The following OPHN1 variants were observed in gnomAD, a reference collection of about 807,000 sequenced individuals.
OPHN1 encodes the protein oligophrenin-1.
Under a neutral mutation model 60.7 loss-of-function variants are expected in OPHN1, and 11 were observed. That is an observed-to-expected ratio of 0.18 (90% CI 0.11 to 0.30). The LOEUF (loss-of-function observed/expected upper bound fraction) is 0.30, where lower values mean the gene tolerates loss of function less well. Ranked by LOEUF, OPHN1 falls within the 10% of genes least tolerant of loss-of-function variation. The pLI is 1.00. For missense variants in OPHN1, 449 were observed against 611.0 expected (o/e 0.73, Z 2.80); for synonymous variants, 226 against 222.6 (o/e 1.02, Z -0.14).
intron 15 of OPHN1, among the ~76,000 whole-genome samples, chrX:68,167,897 T>C (rs750944143): frequency 1.8e-5 from 2 of 111,155 alleles, no homozygotes; most frequent in South Asian, 7.6e-4. Context: ...TGGAGTATGA[T>C]TCAGAATGAG....
At chrX:68,253,774 A>C in intron 5 of OPHN1, among the ~76,000 whole-genome samples, 2 of 111,956 alleles carry the variant, frequency 1.8e-5, no homozygotes, top group Non-Finnish European at 3.8e-5. Flanking sequence ...TTGACTTCTG[A>C]TTAACCTCTG....
At chrX:68,066,328 G>T (rs966463789) in intron 20 of OPHN1, among the ~76,000 whole-genome samples, 9 of 111,761 alleles carry the variant, frequency 8.1e-5, no homozygotes, top group African/African-American at 2.6e-4. Flanking sequence ...AATAAAGGTT[G>T]CCTGTGCCCT....
chrX:68,262,816 G>A (rs78058886), intron 5 of OPHN1, among the ~76,000 whole-genome samples: 6 of 96,351 alleles, frequency 6.2e-5, no homozygotes, highest in African/African-American at 1.1e-4. Context: ...GGACAGGACA[G>A]GACAAGAAAG....
intron 2 of OPHN1, among the ~76,000 whole-genome samples, chrX:68,379,000 T>C (rs1255079378): frequency 7.2e-5 from 8 of 110,877 alleles, no homozygotes; most frequent in Non-Finnish European, 1.3e-4. Flanking sequence ...GGAGATGGCA[T>C]TGAATCTATA....
At chrX:68,073,414 A>C in intron 19 of OPHN1, 115 bp from the exon 20 acceptor site, 2 of 593,014 alleles carry the variant, frequency 3.4e-6, no homozygotes, top group Non-Finnish European at 5.3e-6. Flanking sequence ...TAACGTGAAT[A>C]CTAACATGAC....
At chrX:68,411,714 T>C (rs2078770500) in intron 2 of OPHN1, among the ~76,000 whole-genome samples, 1 of 112,183 alleles carries the variant, frequency 8.9e-6, no homozygotes, top group Non-Finnish European at 1.9e-5. Flanking sequence ...TCCCATTCTG[T>C]AGCTGGTCTG....
intron 15 of OPHN1, among the ~76,000 whole-genome samples, chrX:68,153,805 T>C: frequency 8.9e-6 from 1 of 111,830 alleles, no homozygotes; most frequent in Non-Finnish European, 1.9e-5. Flanking sequence ...TGAGACCCCG[T>C]GATTCCTTCT....
chrX:68,345,665 G>T (rs1021286211), intron 2 of OPHN1, among the ~76,000 whole-genome samples: 1 of 111,418 alleles, frequency 9.0e-6, no homozygotes, highest in South Asian at 3.8e-4. Flanking sequence ...AGACCAGCCT[G>T]GGAAACACGG....
chrX:68,093,600 A>G (rs186715561), intron 19 of OPHN1, among the ~76,000 whole-genome samples: 5 of 111,149 alleles, frequency 4.5e-5, no homozygotes, highest in Admixed American at 2.9e-4. Flanking sequence ...GCCACTATAT[A>G]TTTTTTTAAC....
At chrX:68,333,529 G>A (rs946853164) in intron 2 of OPHN1, among the ~76,000 whole-genome samples, 3 of 111,044 alleles carry the variant, frequency 2.7e-5, no homozygotes, top group Non-Finnish European at 3.8e-5. Flanking sequence ...CAGCTACTCA[G>A]GAGGCTGAGG....
At chrX:68,069,422 A>G (rs2076925099) in intron 20 of OPHN1, among the ~76,000 whole-genome samples, 1 of 111,708 alleles carries the variant, frequency 9.0e-6, no homozygotes, top group African/African-American at 3.3e-5. Flanking sequence ...AACAACAGAC[A>G]GGCATCCAAT....
intron 15 of OPHN1, among the ~76,000 whole-genome samples, chrX:68,185,910 T>C (rs1318781716): frequency 9.0e-6 from 1 of 110,988 alleles, no homozygotes; most frequent in Non-Finnish European, 1.9e-5. Context: ...AGGAAAACTG[T>C]TACAGTCTCC....
chrX:68,215,006 C>G (rs1294734269), intron 6 of OPHN1, among the ~76,000 whole-genome samples: 1 of 110,128 alleles, frequency 9.1e-6, no homozygotes, highest in East Asian at 2.8e-4. Context: ...CAGAAACAAA[C>G]AAAAAAGAAA....
At chrX:68,107,141 G>A (rs760429955) in intron 18 of OPHN1, among the ~76,000 whole-genome samples, 2 of 112,045 alleles carry the variant, frequency 1.8e-5, no homozygotes, top group Admixed American at 9.5e-5. Flanking sequence ...CTTAGAAAAC[G>A]TAGATTCTAT....
chrX:68,167,509 G>GTA (rs1181602386), intron 15 of OPHN1, among the ~76,000 whole-genome samples: 17 of 110,005 alleles, frequency 1.5e-4, no homozygotes, highest in East Asian at 2.9e-4. Context: ...ATATATGTGT[G>GTA]TATATATGTG....
chrX:68,298,835 C>G (rs931811170), intron 3 of OPHN1, among the ~76,000 whole-genome samples, 166 bp downstream of exon 3: 1 of 111,933 alleles, frequency 8.9e-6, no homozygotes, highest in Admixed American at 9.6e-5. Context: ...GGAAATGGGA[C>G]TGGCAGGGAA....
rs1391799583 is a variant in OPHN1, at chrX:68,395,767, G to A, written c.154+37100C>T. On this transcript the variant is annotated intron_variant, in intron 2 of 24. Coordinates refer to ENST00000355520, the MANE Select transcript of OPHN1 (RefSeq NM_002547.3). ...CAGCTGCTAATTTTCTCATTTTTTT[G>A]TAGAAATGAGGTCTTACTATGTTGT... 4.5e-5 allele frequency among the ~76,000 whole-genome samples: 5 copies of A among 110,605 alleles called. No homozygotes were observed. The Admixed American group carries it at 4.8e-4, about 11-fold the overall frequency.
chrX:68,098,768 T>G (rs1338896918), intron 18 of OPHN1, among the ~76,000 whole-genome samples: 1 of 111,745 alleles, frequency 8.9e-6, no homozygotes, highest in Admixed American at 9.5e-5. Flanking sequence ...CCTAAAAGGC[T>G]AAACCACAAG....
At chrX:68,220,475 C>T (rs1273030313) in intron 6 of OPHN1, among the ~76,000 whole-genome samples, 1 of 108,016 alleles carries the variant, frequency 9.3e-6, no homozygotes, top group Non-Finnish European at 1.9e-5. Flanking sequence ...AGAGACACAA[C>T]AAAAAAAGAG....
Sources: gnomAD v4.1 joint callset for allele counts (sites outside exome capture counted in the v4.1 genomes callset) on GRCh38, gnomAD v4.1.1 for gene constraint, MANE v1.5 for transcripts, NCBI Gene and HGNC (gene_info 2026-07-23, HGNC 2026-07-21) for gene names.